The following GIT1 variants were observed in gnomAD, a reference collection of about 807,000 sequenced individuals.
GIT1 encodes the protein GIT ArfGAP 1, also known as ARF GTPase-activating protein GIT1.
In GIT1, 14 loss-of-function variants were observed where a neutral mutation model predicts 91.7. The ratio of observed to expected loss-of-function variants is 0.15; its 90% CI spans 0.10 to 0.24. The LOEUF (loss-of-function observed/expected upper bound fraction) is 0.24. Among genes scored for constraint, GIT1 ranks in the 10% least tolerant of loss-of-function variants. The probability of loss-of-function intolerance (pLI) is 1.00; values close to 1 mark genes in which losing one functional copy is unlikely to be tolerated. For synonymous variants in GIT1, 414 were observed against 418.2 expected (o/e 0.99, Z 0.12); for missense variants, 717 against 1,024.9 (o/e 0.70, Z 4.10).
At position 29,576,000 on chromosome 17, in the gene GIT1, C is replaced by T. The variant is rs1270467999; in HGVS notation, c.1665+78G>A. 5.8e-6 allele frequency: 9 copies of T among 1,563,982 alleles called. No homozygotes were observed. Among genetic ancestry groups the T allele is most frequent in the Admixed American group, 3.3e-5 (2 of 59,794 alleles). On this transcript the variant is annotated intron_variant, in intron 15 of 19. Coordinates refer to ENST00000225394, the MANE Select transcript of GIT1 (RefSeq NM_014030.4). The surrounding 1 kb of genome is among the most constrained non-coding windows in gnomAD (Gnocchi z 5.5). ...AGGTCAGTCTAATCATCTTAAGCCC[C>T]GAATTCAGCACAGAGCCCAGAACCC...
chr17:29,581,877 C>T lies in GIT1; in HGVS notation c.624-41G>A, dbSNP rs771355633. Reference sequence around the variant, plus strand: ...ATGGCTCAGACCTGCAGCAGCAGCCCTCACCCACACCCCCACCCACCCACA... The same window carrying T: ...ATGGCTCAGACCTGCAGCAGCAGCCTTCACCCACACCCCCACCCACCCACA... On this transcript the variant is annotated intron_variant, in intron 5 of 19. Transcript: ENST00000225394. The surrounding 1 kb of genome is among the most constrained non-coding windows in gnomAD (Gnocchi z 4.8). The T allele has an allele frequency of 1.4e-5, 22 of 1,609,388 alleles. No homozygotes were observed. The highest frequency in any genetic ancestry group is 2.2e-5 in the East Asian group (1 of 44,856).
chr17:29,582,663 A>AG, intron 4 of GIT1, 35 bp downstream of exon 4: 1 of 1,355,484 alleles, frequency 7.4e-7, no homozygotes, highest in Non-Finnish European at 1.1e-6. Context: ...GAAGAAGAGG[A>AG]GGGGGCCACC....
Position 29,578,348 on chromosome 17 carries a change from T to C in GIT1, c.834A>G (p.Glu278=). 6.2e-7 allele frequency: 1 copy of C among 1,614,090 alleles called. No individual in the cohort carries two copies. Among genetic ancestry groups the C allele is most frequent in the Non-Finnish European group, 8.5e-7 (1 of 1,179,988 alleles). Residue 278 remains glutamate, a synonymous_variant, in exon 9 of 20, where the codon GAA becomes GAG. Coordinates refer to ENST00000225394, the MANE Select transcript of GIT1 (RefSeq NM_014030.4). Reference sequence around the variant, plus strand: ...CCTCGTCATACACGTCCATGGCGAGTTCCTCAAAAAGCCGGTTGCTGAGCT... The same window carrying C: ...CCTCGTCATACACGTCCATGGCGAGCTCCTCAAAAAGCCGGTTGCTGAGCT... The part of the protein sequence containing the change: ...LQALSNRLFE[E]LAMDVYDEVD...
chr17:29,576,433 C>A lies in GIT1; in HGVS notation c.1398G>T (p.Ala466=). 2 of 1,612,612 alleles carry A rather than the reference C, an allele frequency of 1.2e-6. No homozygotes were observed. Among genetic ancestry groups the A allele is most frequent in the Non-Finnish European group, 1.7e-6 (2 of 1,179,424 alleles). The change falls in exon 14 of 20, where the codon GCG becomes GCT. Residue 466 remains alanine, a synonymous_variant. Coordinates refer to ENST00000225394, the MANE Select transcript of GIT1 (RefSeq NM_014030.4). The stretch of plus-strand genomic sequence containing the variant: ...GAGGCTGCCGGAGCTGCAGGTTCTC[C>A]GCCTGCAGCTTGTGGATCTATGGGT... The part of the protein sequence containing the change: ...RLQREIHKLQ[A]ENLQLRQPPG...
chr17:29,574,918 G>C lies in GIT1; in HGVS notation c.2074-4C>G. On this transcript the variant is annotated splice_polypyrimidine_tract_variant and splice_region_variant and intron_variant, in intron 19 of 19. Coordinates refer to ENST00000225394, the MANE Select transcript of GIT1 (RefSeq NM_014030.4). ...GCACTGGCTCCAGGGCTGGCCTCTGGAGGGGGCAGGAGTGAGGCTGGACCT... is the reference window on the plus strand; with the variant it reads ...GCACTGGCTCCAGGGCTGGCCTCTGCAGGGGGCAGGAGTGAGGCTGGACCT... The C allele has an allele frequency of 6.4e-7, 1 of 1,553,004 alleles. No individual in the cohort carries two copies. The highest frequency in any genetic ancestry group is 8.7e-7 in the Non-Finnish European group (1 of 1,149,374).
At chr17:29,583,078 T>TA in intron 2 of GIT1, 41 bp from the exon 3 acceptor site, 6 of 1,280,986 alleles carry the variant, frequency 4.7e-6, no homozygotes, top group South Asian at 1.2e-5. Flanking sequence ...GCCCACTGCG[T>TA]GCTAAGCAAT....
At chr17:29,583,882 A>G in intron 1 of GIT1, 1 of 464,316 alleles carries the variant, frequency 2.2e-6, no homozygotes, top group Non-Finnish European at 3.8e-6. Flanking sequence ...TTCAGCAGGC[A>G]CAGTTTCCTG....
chr17:29,582,604 C>A, intron 4 of GIT1, 94 bp downstream of exon 4: 1 of 871,888 alleles, frequency 1.1e-6, no homozygotes, highest in Non-Finnish European at 1.9e-6. Flanking sequence ...CCTTTGGGGC[C>A]CAGGGCTCAG....
chr17:29,576,201 A>G lies in GIT1; in HGVS notation c.1611+19T>C. The stretch of plus-strand genomic sequence containing the variant: ...GCCCCACCCATCTCCCCACACCTTG[A>G]GACCCATAGGTGACTCACAGTGCTG... On this transcript the variant is annotated intron_variant, in intron 14 of 19. Transcript: ENST00000225394. The G allele has an allele frequency of 6.2e-7, 1 of 1,606,336 alleles. No homozygotes were observed. Among genetic ancestry groups the G allele is most frequent in the Non-Finnish European group, 8.5e-7 (1 of 1,173,908 alleles).
Position 29,575,935 on chromosome 17 carries a change from C to T in GIT1, c.1666-37G>A, listed in dbSNP as rs1173159519. On this transcript the variant is annotated intron_variant, in intron 15 of 19. Transcript: ENST00000225394. This position sits in a 1 kb window ranked among gnomAD's most constrained non-coding sequence, Gnocchi z 5.5. ...GGCAGCGCTGGATGGAGTCAGTGTG[C>T]CCCACTGCCCCCCTGCTCACCAGCA... The T allele has an allele frequency of 6.5e-7, 1 of 1,549,316 alleles. No homozygotes were observed. Among genetic ancestry groups the T allele is most frequent in the East Asian group, 2.3e-5 (1 of 43,632 alleles).
At position 29,574,022 on chromosome 17, in the gene GIT1, T is replaced by G. The variant is rs551310676; in HGVS notation, c.*680A>C. ...TCCCCTCACCCCTCAAAACTCCAGA[T>G]GGACCAGGCCTCCGGAACGGCACTG... On this transcript the variant is annotated 3_prime_UTR_variant, in exon 20 of 20. Coordinates refer to ENST00000225394, the MANE Select transcript of GIT1 (RefSeq NM_014030.4). 2.6e-5 allele frequency: 4 copies of G among 152,226 alleles called. No homozygotes were observed. The highest frequency in any genetic ancestry group is 2.1e-4 in the South Asian group (1 of 4,822). The allele number at this position is 152,226 out of a possible 1,614,324, so 9.4% of individuals were successfully genotyped here.
intron 12 of GIT1, 26 bp from the exon 13 acceptor site, chr17:29,576,700 A>G: frequency 6.2e-7 from 1 of 1,612,984 alleles, no homozygotes; most frequent in East Asian, 2.2e-5. Context: ...TAAGCTGGTC[A>G]GCACCTGGGG....
Position 29,576,417 on chromosome 17 carries a change from G to T in GIT1, c.1414C>A (p.Arg472=). ...HKLQAENLQL[R]QPPGPVPTPP... is the part of the protein sequence containing the mutation. ...GTGGGCACCGGCCCTGGAGGCTGCC[G>T]GAGCTGCAGGTTCTCCGCCTGCAGC... The change falls in exon 14 of 20, where the codon CGG becomes AGG. Residue 472 remains arginine (R), a synonymous_variant. Transcript: ENST00000225394. The T allele has an allele frequency of 6.2e-7, 1 of 1,612,912 alleles. No individual in the cohort carries two copies. Among genetic ancestry groups the T allele is most frequent in the Non-Finnish European group, 8.5e-7 (1 of 1,179,684 alleles).
intron 1 of GIT1, among the ~76,000 whole-genome samples, chr17:29,584,993 C>T (rs1306620635): frequency 2.1e-5 from 3 of 140,562 alleles, no homozygotes; most frequent in Non-Finnish European, 3.0e-5. Context: ...GACGGAGTCC[C>T]GCTCTGTCGC....
chr17:29,583,163 C>T (rs149391138), intron 2 of GIT1, 126 bp from the exon 3 acceptor site: 22 of 676,776 alleles, frequency 3.3e-5, no homozygotes, highest in South Asian at 5.0e-5. Flanking sequence ...ACTGTGTGCC[C>T]GCACCACCAC....
chr17:29,589,648 T>A lies in GIT1; in HGVS notation c.-270A>T, dbSNP rs1179564508. The stretch of plus-strand genomic sequence containing the variant: ...CCCCTGCGCGGCTCCCGGCCGCTTC[T>A]GCAGGAAGCGGCGCAGGCCCTGCCC... On this transcript the variant is annotated 5_prime_UTR_variant, in exon 1 of 20. Transcript: ENST00000225394. The surrounding 1 kb of genome is among the most constrained non-coding windows in gnomAD (Gnocchi z 5.2). 4 of 149,388 alleles carry A rather than the reference T, an allele frequency of 2.7e-5. No individual in the cohort carries two copies. The highest frequency in any genetic ancestry group is 9.8e-5 in the African/African-American group (4 of 40,936). 9.3% of individuals were successfully genotyped at this position (149,388 alleles called of 1,614,324 possible).
chr17:29,581,151 A>G lies in GIT1; in HGVS notation c.761+187T>C, dbSNP rs921193272. The G allele has an allele frequency of 1.5e-5, 9 of 618,868 alleles. No homozygotes were observed. The Admixed American group carries it at 1.8e-4, about 12-fold the overall frequency. The allele number at this position is 618,868 out of a possible 1,614,324, so 38.3% of individuals were successfully genotyped here. ...GGGGCTCAGGCTATGCGGGCCACAT[A>G]TGGAGCTGACATTTTTTACCTGCCT... On this transcript the variant is annotated intron_variant, in intron 7 of 19. Coordinates refer to ENST00000225394, the MANE Select transcript of GIT1 (RefSeq NM_014030.4). This position sits in a 1 kb window ranked among gnomAD's most constrained non-coding sequence, Gnocchi z 4.8.
intron 7 of GIT1, 62 bp from the exon 8 acceptor site, chr17:29,578,841 A>G (rs2033303062): frequency 1.9e-6 from 3 of 1,574,544 alleles, no homozygotes; most frequent in Non-Finnish European, 1.7e-6. Flanking sequence ...GGCCAGGCCC[A>G]TGCCAGCAAC....
At position 29,573,602 on chromosome 17, in the gene GIT1, C is replaced by A. The variant is rs895754038; in HGVS notation, c.*1100G>T. 6.6e-6 allele frequency: 1 copy of A among 152,582 alleles called. No homozygotes were observed. The highest frequency in any genetic ancestry group is 2.4e-5 in the African/African-American group (1 of 41,456). The allele number at this position is 152,582 out of a possible 1,614,324, so 9.5% of individuals were successfully genotyped here. On this transcript the variant is annotated 3_prime_UTR_variant, in exon 20 of 20. Coordinates refer to ENST00000225394, the MANE Select transcript of GIT1 (RefSeq NM_014030.4). ...TGGGGAGAGAGCTGGTGGGTCCCAC[C>A]GTCTGCCTCTCCAGCCTTCCCAGGC...
Sources: allele counts gnomAD v4.1 joint callset (sites outside exome capture counted in the v4.1 genomes callset), GRCh38; gene constraint gnomAD v4.1.1; non-coding constraint Gnocchi (gnomAD v3.1); transcripts MANE v1.5; gene names NCBI Gene and HGNC (gene_info 2026-07-23, HGNC 2026-07-21).